Variants in TTC19 observed in about 807,000 individuals in gnomAD.
The protein encoded by TTC19 is tetratricopeptide repeat protein 19, mitochondrial.
TTC19 carries 38 observed loss-of-function variants against 49.5 expected under a neutral mutation model. The observed-to-expected ratio is 0.77, with a 90% confidence interval of 0.59 to 1.01. The LOEUF (loss-of-function observed/expected upper bound fraction) is 1.01, where lower values mean the gene tolerates loss of function less well. Ranked by LOEUF, TTC19 falls within the 50% of genes least tolerant of loss-of-function variation. TTC19 has a pLI of 0.00. For missense variants in TTC19, 475 were observed against 477.7 expected (o/e 0.99, Z 0.05); for synonymous variants, 204 against 185.2 (o/e 1.10, Z -0.83).
At chr17:16,010,567 C>A (rs542884927) in intron 7 of TTC19, among the ~76,000 whole-genome samples, 2 of 151,844 alleles carry the variant, frequency 1.3e-5, no homozygotes, top group East Asian at 3.9e-4. Flanking sequence ...CTCTGCCTCC[C>A]CGGTTCAAGC....
Position 16,022,748 on chromosome 17 carries a change from T to A in TTC19, c.677-2269T>A, listed in dbSNP as rs562240215. 5.9e-5 allele frequency among the ~76,000 whole-genome samples: 9 copies of A among 152,358 alleles called. No individual in the cohort carries two copies. In the East Asian group the frequency reaches 1.7e-3, roughly 29 times the overall value. On this transcript the variant is annotated intron_variant, in intron 7 of 9. Transcript: ENST00000261647. The stretch of plus-strand genomic sequence containing the variant: ...TGCTGTTTGGTCATCTTAATACATC[T>A]GATTATTCCATTTGGTAATATTTTG...
intron 7 of TTC19, chr17:16,023,792 C>G (rs1000526384): frequency 6.6e-6 from 1 of 152,180 alleles, no homozygotes; most frequent in East Asian, 1.9e-4. Context: ...AAGCAAGCTG[C>G]ACTTTTTTTC....
chr17:16,035,443 G>A, intron 2 of TTC19, among the ~76,000 whole-genome samples: 1 of 151,362 alleles, frequency 6.6e-6, no homozygotes, highest in Non-Finnish European at 1.5e-5. Flanking sequence ...TCATCCCTAA[G>A]AAGCAACTCC....
chr17:16,042,131 C>T (rs1005187679), intron 2 of TTC19, among the ~76,000 whole-genome samples: 1 of 141,864 alleles, frequency 7.0e-6, no homozygotes, highest in Non-Finnish European at 1.5e-5. Context: ...TAGAAACAAA[C>T]TTGGTTGATT....
chr17:16,032,354 C>G, downstream of TTC19: 1 of 1,614,122 alleles, frequency 6.2e-7, no homozygotes, highest in Non-Finnish European at 8.5e-7. Flanking sequence ...GGCAGGCTCT[C>G]GCTCCCAGAT....
At chr17:16,002,601 A>C in intron 3 of TTC19, 192 bp from the exon 4 acceptor site, 2 of 622,690 alleles carry the variant, frequency 3.2e-6, no homozygotes, top group Non-Finnish European at 5.7e-6. Context: ...TTAACAACAA[A>C]GTATGTGCAA....
downstream of TTC19, among the ~76,000 whole-genome samples, chr17:16,032,701 A>G (rs115247720): frequency 8.3e-3 from 1,267 of 152,358 alleles, 16 homozygotes; most frequent in African/African-American, 0.029. Context: ...GAAGAGTAAC[A>G]TGAGTAGCAT....
At chr17:16,004,339 A>G in intron 6 of TTC19, 77 bp downstream of exon 6, 1 of 1,370,936 alleles carries the variant, frequency 7.3e-7, no homozygotes, top group Non-Finnish European at 1.0e-6. Context: ...TTCATTGTCT[A>G]CTGGTCATCT....
rs775424317 is a variant in TTC19, at chr17:16,027,989, G to A, written c.*467G>A. ...CAAAGGGGGATTATGGTGAATTGTTGTTCTTATAGTCTGTTTCATGAAGCA... is the reference window on the plus strand; with the variant it reads ...CAAAGGGGGATTATGGTGAATTGTTATTCTTATAGTCTGTTTCATGAAGCA... On this transcript the variant is annotated 3_prime_UTR_variant, in exon 10 of 10. Transcript: ENST00000261647. The A allele has an allele frequency of 3.1e-5, 14 of 454,034 alleles. No homozygotes were observed. The highest frequency in any genetic ancestry group is 6.2e-5 in the Non-Finnish European group (14 of 226,862). The allele number at this position is 454,034 out of a possible 1,614,324, so 28.1% of individuals were successfully genotyped here.
chr17:16,005,089 T>C lies in TTC19; in HGVS notation c.581+827T>C, dbSNP rs1250903480. 2.6e-5 allele frequency among the ~76,000 whole-genome samples: 4 copies of C among 152,252 alleles called. No homozygotes were observed. In the South Asian group the frequency reaches 8.3e-4, roughly 31 times the overall value. ...GGGTAAGAAGAAGCCCAGAGCCTAA[T>C]AAACATTGTTGAGTAAGACAAATTC... On this transcript the variant is annotated intron_variant, in intron 6 of 9. Coordinates refer to ENST00000261647, the MANE Select transcript of TTC19 (RefSeq NM_017775.4).
intron 6 of TTC19, among the ~76,000 whole-genome samples, chr17:16,006,237 C>T (rs961836982): frequency 1.3e-5 from 2 of 152,192 alleles, no homozygotes; most frequent in African/African-American, 4.8e-5. Context: ...TGGTGAAACT[C>T]TGTCTTTACC....
chr17:16,032,160 C>T (rs1168132424), downstream of TTC19: 10 of 852,594 alleles, frequency 1.2e-5, no homozygotes, highest in Non-Finnish European at 1.7e-5. Context: ...ATTTCTTCAT[C>T]ATCTGTGGGC....
chr17:16,020,987 C>T (rs557055076), intron 7 of TTC19, among the ~76,000 whole-genome samples: 56 of 152,178 alleles, frequency 3.7e-4, no homozygotes, highest in African/African-American at 1.3e-3. Context: ...ACGCCTAGCC[C>T]TTTTATAATT....
chr17:16,028,799 C>T lies in TTC19; in HGVS notation c.*1277C>T. 1 of 338,438 alleles carries T rather than the reference C, an allele frequency of 3.0e-6. No individual in the cohort carries two copies. The highest frequency in any genetic ancestry group is 5.3e-6 in the Non-Finnish European group (1 of 187,184). 21.0% of individuals were successfully genotyped at this position (338,438 alleles called of 1,614,324 possible). A position where few individuals can be genotyped will look rare whatever the true frequency, so the allele number is the denominator to read the frequency against. ...CTACACAACAATATTGTATGTATCC[C>T]AGTAATCTTTGCATTTCTCAAAAAA... On this transcript the variant is annotated 3_prime_UTR_variant, in exon 10 of 10. Transcript: ENST00000261647.
intron 2 of TTC19, chr17:16,035,069 G>A (rs1973950613): frequency 1.2e-6 from 1 of 868,628 alleles, no homozygotes; most frequent in East Asian, 2.6e-5. Flanking sequence ...CCAGATCCTG[G>A]TACTCAATGA....
At chr17:16,017,507 C>T (rs931777907) in intron 7 of TTC19, among the ~76,000 whole-genome samples, 10 of 150,466 alleles carry the variant, frequency 6.6e-5, no homozygotes, top group Admixed American at 1.3e-4. Context: ...CGCCTGTAAT[C>T]CCAGCACTTT....
chr17:16,002,207 C>T (rs1970759211), intron 3 of TTC19, among the ~76,000 whole-genome samples, 182 bp downstream of exon 3: 1 of 152,140 alleles, frequency 6.6e-6, no homozygotes, highest in South Asian at 2.1e-4. Flanking sequence ...GAGATGGAGC[C>T]TCACTCTGTT....
chr17:16,040,345 C>T, intron 2 of TTC19: 1 of 1,004,842 alleles, frequency 1.0e-6, no homozygotes, highest in Non-Finnish European at 1.6e-6. Flanking sequence ...AGAGCAGTCA[C>T]TCCCCTGGTA....
In TTC19 at chr17:16,025,160, A is replaced by G. The variant is rs147111211; in HGVS notation, c.820A>G (p.Arg274Gly). The G allele has an allele frequency of 2.6e-3, 4,154 of 1,613,882 alleles. 6 individuals are homozygous for G. The highest frequency in any genetic ancestry group is 3.3e-3 in the Non-Finnish European group (3,887 of 1,179,838). The change falls in exon 8 of 10, where the codon AGA becomes GGA. Residue 274 changes from arginine (R) to glycine (G), a missense_variant. Arg to Gly is a moderately radical substitution (Grantham distance 125). Transcript: ENST00000261647. ...GATTTCTGAAGAAATACAAGGAGAA[A>G]GACACCCACAGGTAAGGGAGGAAAA... ...LQISEEIQGE[R>G]HPQTIVLMSD...
Sources: gnomAD v4.1 joint callset for allele counts (sites outside exome capture counted in the v4.1 genomes callset) on GRCh38, gnomAD v4.1.1 for gene constraint, MANE v1.5 for transcripts, NCBI Gene and HGNC (gene_info 2026-07-23, HGNC 2026-07-21) for gene names.